EP400: variants seen among roughly 807,000 people sequenced by gnomAD.
EP400 encodes E1A binding protein p400.
EP400 carries 105 observed loss-of-function variants against 354.1 expected under a neutral mutation model. The observed-to-expected ratio is 0.30, with a 90% confidence interval of 0.25 to 0.35. The LOEUF (loss-of-function observed/expected upper bound fraction) is 0.35. Ranked by LOEUF, EP400 falls within the 10% of genes least tolerant of loss-of-function variation. The pLI, the probability that EP400 is intolerant of heterozygous loss-of-function variation, is 1.00. For missense variants in EP400, 3,280 were observed against 4,121.0 expected (o/e 0.80, Z 5.59); for synonymous variants, 1,646 against 1,716.9 (o/e 0.96, Z 1.02).
intron 29 of EP400, 26 bp from the exon 30 acceptor site, chr12:132,031,927 A>G (rs1894521793): frequency 3.8e-6 from 6 of 1,575,090 alleles, no homozygotes; most frequent in Non-Finnish European, 5.2e-6. Context: ...CAAGAATACT[A>G]ACTCCTGTGT....
chr12:132,037,540 G>A (rs1166828982), intron 30 of EP400, 142 bp from the exon 31 acceptor site: 42 of 674,464 alleles, frequency 6.2e-5, no homozygotes, highest in Non-Finnish European at 1.3e-5. Context: ...AGCGGCCTTT[G>A]GTGCCCCACG....
intron 2 of EP400, among the ~76,000 whole-genome samples, chr12:131,976,486 G>A (rs549389414): frequency 1.0e-3 from 157 of 152,278 alleles, no homozygotes; most frequent in African/African-American, 3.6e-3. Flanking sequence ...GGCTGAGGCG[G>A]GTGGATCACA....
rs1168313143 is a variant in EP400 at position 132,005,102 on chromosome 12, G to C, written c.2853G>C (p.Met951Ile). The change falls in exon 13 of 53, where the codon ATG (methionine) becomes ATC (isoleucine). Residue 951 changes from methionine to isoleucine, a missense_variant. Transcript: ENST00000389561. ...CTGAGCTGCCCCTCCTGGACCTGAT[G>C]AAGCTGTACGAAGGCGCCTTCCTGC... ...KEAELPLLDL[M>I]KLYEGAFLPS... The C allele has an allele frequency of 3.1e-6, 5 of 1,587,912 alleles. No individual in the cohort carries two copies. The South Asian group carries it at 5.8e-5, about 18-fold the overall frequency.
chr12:132,024,688 C>A (rs1167099747), intron 24 of EP400, among the ~76,000 whole-genome samples: 1 of 151,384 alleles, frequency 6.6e-6, no homozygotes, highest in Non-Finnish European at 1.5e-5. Flanking sequence ...AGCCTCCTTC[C>A]CCCACCTTCC....
chr12:132,004,697 A>G (rs1893523112), intron 12 of EP400, among the ~76,000 whole-genome samples: 2 of 152,204 alleles, frequency 1.3e-5, no homozygotes, highest in African/African-American at 2.4e-5. Context: ...AAAAATTTGC[A>G]TAAATTTCAG....
intron 1 of EP400, among the ~76,000 whole-genome samples, chr12:131,953,576 G>A (rs1284231211): frequency 6.6e-6 from 1 of 152,196 alleles, no homozygotes; most frequent in Admixed American, 6.5e-5. Flanking sequence ...ATAAGCCCTA[G>A]ACAATTTTCA....
At position 132,079,741 on chromosome 12, in the gene EP400, C is replaced by T. The variant is rs1035893510; in HGVS notation, c.*2068C>T. On this transcript the variant is annotated 3_prime_UTR_variant, in exon 53 of 53. Coordinates refer to ENST00000389561, the MANE Select transcript of EP400 (RefSeq NM_015409.5). ...TATTTGCAATGTGGAGTTTCCGCCC[C>T]GATCTCACGTCAGTGAGGGTCTCCT... 4 of 152,248 alleles carry T rather than the reference C, an allele frequency of 2.6e-5. No individual in the cohort carries two copies. Among genetic ancestry groups the T allele is most frequent in the South Asian group, 4.1e-4 (2 of 4,834 alleles). The allele number at this position is 152,248 out of a possible 1,614,324, so 9.4% of individuals were successfully genotyped here.
chr12:131,991,185 T>C (rs1345433992), intron 9 of EP400, among the ~76,000 whole-genome samples: 2 of 152,142 alleles, frequency 1.3e-5, no homozygotes, highest in East Asian at 1.9e-4. Context: ...CCCCCATTAT[T>C]GATGAGGAAC....
intron 2 of EP400, among the ~76,000 whole-genome samples, chr12:131,965,404 T>A (rs1477429316): frequency 6.6e-6 from 1 of 152,202 alleles, no homozygotes; most frequent in Non-Finnish European, 1.5e-5. Flanking sequence ...CCATGCTGGG[T>A]TTTCTAACTC....
rs1334230291 is a variant in EP400 at position 132,067,353 on chromosome 12, T to C, written c.8750-9T>C. ...AGTGTGCTGACTAAGGGGCTTTTGC[T>C]GCCTGCAGGACAGACCGTGGTGGCC... On this transcript the variant is annotated splice_polypyrimidine_tract_variant and intron_variant, in intron 49 of 52. Transcript: ENST00000389561. This position sits in a 1 kb window ranked among gnomAD's most constrained non-coding sequence, Gnocchi z 5.3. 2 of 1,611,278 alleles carry C rather than the reference T, an allele frequency of 1.2e-6. No individual in the cohort carries two copies. Among genetic ancestry groups the C allele is most frequent in the Non-Finnish European group, 1.7e-6 (2 of 1,178,638 alleles).
intron 12 of EP400, among the ~76,000 whole-genome samples, chr12:132,002,558 G>A (rs1273558850): frequency 1.3e-5 from 2 of 152,244 alleles, no homozygotes; most frequent in Non-Finnish European, 1.5e-5. Context: ...GCAGGCTGGA[G>A]GATGCCATTC....
intron 2 of EP400, among the ~76,000 whole-genome samples, chr12:131,970,469 T>G (rs1008589812): frequency 3.9e-5 from 6 of 152,222 alleles, no homozygotes; most frequent in African/African-American, 1.4e-4. Context: ...GAGACTCTTG[T>G]GTTTGTGCAC....
intron 7 of EP400, among the ~76,000 whole-genome samples, chr12:131,989,358 G>A (rs927602842): frequency 8.5e-5 from 13 of 152,232 alleles, no homozygotes; most frequent in Middle Eastern, 3.2e-3. Flanking sequence ...GTTGGAGGCC[G>A]AGTGGGAACA....
chr12:131,962,591 C>G (rs1260665655), intron 2 of EP400, among the ~76,000 whole-genome samples: 1 of 152,306 alleles, frequency 6.6e-6, no homozygotes, highest in Middle Eastern at 3.4e-3. Context: ...ATACTTTAAA[C>G]TCATTTTTAC....
chr12:132,066,561 G>A, intron 48 of EP400: 1 of 546,928 alleles, frequency 1.8e-6, no homozygotes, highest in Non-Finnish European at 3.2e-6. Flanking sequence ...GAGCCTGCAG[G>A]TCTTGCGGGA....
At position 131,963,438 on chromosome 12, in the gene EP400, A is replaced by G. The variant is rs892016584; in HGVS notation, c.1335+1484A>G. ...AAAAACATTCCATTTTTAAACCCCA[A>G]ATGTCAGTGAGCTATCAGCAATAAA... On this transcript the variant is annotated intron_variant, in intron 2 of 52. Coordinates refer to ENST00000389561, the MANE Select transcript of EP400 (RefSeq NM_015409.5). The G allele has an allele frequency of 5.7e-6, 5 of 877,900 alleles. No individual in the cohort carries two copies. In the African/African-American group the frequency reaches 6.6e-5, roughly 12 times the overall value. The allele number at this position is 877,900 out of a possible 1,614,324, so 54.4% of individuals were successfully genotyped here.
In EP400 at chr12:131,982,220, G is replaced by T; in HGVS notation, c.1671G>T (p.Leu557=). ...GCTTGCACACCCCACTGCCGCAGCT[G>T]CCCGGGAGGCTGCCCCCAGCCGGTG... The part of the protein sequence containing the change: ...AASLHTPLPQ[L]PGRLPPAGVP... The change falls in exon 5 of 53, where the codon CTG becomes CTT. Residue 557 remains leucine (L), a synonymous_variant. Coordinates refer to ENST00000389561, the MANE Select transcript of EP400 (RefSeq NM_015409.5). The T allele has an allele frequency of 6.2e-7, 1 of 1,613,930 alleles. No homozygotes were observed. Among genetic ancestry groups the T allele is most frequent in the Non-Finnish European group, 8.5e-7 (1 of 1,179,950 alleles).
chr12:131,968,682 A>C (rs1892184633), intron 2 of EP400, among the ~76,000 whole-genome samples: 1 of 152,216 alleles, frequency 6.6e-6, no homozygotes, highest in Non-Finnish European at 1.5e-5. Context: ...TCTTAACAAT[A>C]TGAGTCTTCC....
Position 132,038,162 on chromosome 12 carries a change from C to T in EP400, c.6207+66C>T. On this transcript the variant is annotated intron_variant, in intron 32 of 52. Transcript: ENST00000389561. The surrounding 1 kb of genome is among the most constrained non-coding windows in gnomAD (Gnocchi z 4.2). ...GAGCCGGCGGAACACCTGCACCCTC[C>T]CCCAGGGTTCTGGGTGCTCAGTCCC... 6.3e-7 allele frequency: 1 copy of T among 1,593,538 alleles called. No homozygotes were observed. Among genetic ancestry groups the T allele is most frequent in the Non-Finnish European group, 8.6e-7 (1 of 1,166,962 alleles).
Sources: allele counts gnomAD v4.1 joint callset (sites outside exome capture counted in the v4.1 genomes callset), GRCh38; gene constraint gnomAD v4.1.1; non-coding constraint Gnocchi (gnomAD v3.1); transcripts MANE v1.5; gene names NCBI Gene and HGNC (gene_info 2026-07-23, HGNC 2026-07-21).